The following PIP5K1B variants were observed in gnomAD, a reference collection of about 807,000 sequenced individuals.
PIP5K1B encodes the protein phosphatidylinositol 4-phosphate 5-kinase type-1 beta.
PIP5K1B carries 42 observed loss-of-function variants against 67.0 expected under a neutral mutation model. The ratio of observed to expected loss-of-function variants is 0.63; its 90% CI spans 0.49 to 0.81. The LOEUF (loss-of-function observed/expected upper bound fraction) is 0.81, where lower values mean the gene tolerates loss of function less well. Ranked by LOEUF, PIP5K1B falls within the 30% of genes least tolerant of loss-of-function variation. PIP5K1B has a pLI of 0.00. For missense variants in PIP5K1B, 459 were observed against 646.3 expected, an observed-to-expected ratio of 0.71 and a Z score of 3.14; for synonymous variants, 214 against 231.4, an observed-to-expected ratio of 0.92 and a Z score of 0.68.
At chr9:68,941,775 T>C (rs59673628) in intron 14 of PIP5K1B, among the ~76,000 whole-genome samples, 1,774 of 152,306 alleles carry the variant, frequency 0.012, 31 homozygotes, top group African/African-American at 0.038. Flanking sequence ...ATAAGGTAGA[T>C]TTATTTTTAA....
intron 4 of PIP5K1B, among the ~76,000 whole-genome samples, chr9:68,857,479 T>G (rs1421310978): frequency 1.3e-4 from 20 of 152,312 alleles, no homozygotes; most frequent in Middle Eastern, 3.4e-3. Flanking sequence ...CTTAATTCTC[T>G]CAGTGGGACA....
intron 12 of PIP5K1B, among the ~76,000 whole-genome samples, chr9:68,934,384 C>A (rs973938345): frequency 6.6e-6 from 1 of 152,132 alleles, no homozygotes; most frequent in Non-Finnish European, 1.5e-5. Context: ...AAAAAAGCAA[C>A]CAGAAGTAAC....
At chr9:68,849,548 T>C (rs1822373637) in intron 4 of PIP5K1B, among the ~76,000 whole-genome samples, 2 of 152,214 alleles carry the variant, frequency 1.3e-5, no homozygotes, top group South Asian at 4.1e-4. Context: ...GCATTTTTTG[T>C]AAAGACAGGG....
intron 2 of PIP5K1B, among the ~76,000 whole-genome samples, chr9:68,805,674 A>T (rs538596886): frequency 1.3e-5 from 2 of 152,260 alleles, no homozygotes; most frequent in African/African-American, 4.8e-5. Flanking sequence ...AGCTGTCATC[A>T]CCTGTCACAT....
intron 6 of PIP5K1B, among the ~76,000 whole-genome samples, chr9:68,882,463 A>T (rs1289955533): frequency 6.6e-6 from 1 of 151,982 alleles, no homozygotes; most frequent in Non-Finnish European, 1.5e-5. Flanking sequence ...ATAATAAAAG[A>T]ATATTTGACA....
At chr9:68,789,551 A>C (rs1831840403) in intron 2 of PIP5K1B, 1 of 503,144 alleles carries the variant, frequency 2.0e-6, no homozygotes, top group Admixed American at 2.1e-5. Flanking sequence ...TTTCTGCCTC[A>C]GTAGCTTGTT....
chr9:68,714,127 A>G (rs576763170), intron 1 of PIP5K1B, among the ~76,000 whole-genome samples: 2 of 152,270 alleles, frequency 1.3e-5, no homozygotes, highest in African/African-American at 4.8e-5. Flanking sequence ...TATATCTCCA[A>G]ACTAAGTCTT....
intron 5 of PIP5K1B, among the ~76,000 whole-genome samples, chr9:68,868,664 G>A (rs1823475936): frequency 1.3e-5 from 2 of 152,174 alleles, no homozygotes. Context: ...GTTCCCCTAA[G>A]AGCCAGCCCT....
At chr9:68,981,285 T>C (rs1386998337) in intron 14 of PIP5K1B, among the ~76,000 whole-genome samples, 1 of 152,112 alleles carries the variant, frequency 6.6e-6, no homozygotes, top group African/African-American at 2.4e-5. Context: ...CAAAATAAAA[T>C]ATAAATAGCA....
chr9:68,794,554 C>G (rs2132511150), intron 2 of PIP5K1B, among the ~76,000 whole-genome samples: 1 of 152,126 alleles, frequency 6.6e-6, no homozygotes, highest in Admixed American at 6.5e-5. Flanking sequence ...TCATCTTATT[C>G]CCTTGTCATC....
At chr9:68,862,578 G>A (rs1259602122) in intron 4 of PIP5K1B, among the ~76,000 whole-genome samples, 1 of 152,102 alleles carries the variant, frequency 6.6e-6, no homozygotes, top group Non-Finnish European at 1.5e-5. Flanking sequence ...GATCACATGA[G>A]GCCAAGAGTT....
intron 6 of PIP5K1B, among the ~76,000 whole-genome samples, chr9:68,882,593 T>C (rs1414949): frequency 0.45 from 68,072 of 151,968 alleles, 15,418 homozygotes; most frequent in South Asian, 0.51. Flanking sequence ...AATCCAGTTT[T>C]TTCTAGACAC....
chr9:68,800,242 A>G (rs1405497210), intron 2 of PIP5K1B, among the ~76,000 whole-genome samples: 2 of 152,208 alleles, frequency 1.3e-5, no homozygotes, highest in Admixed American at 6.5e-5. Context: ...CACACACAGC[A>G]TGTGGTATGT....
intron 4 of PIP5K1B, 58 bp downstream of exon 4, chr9:68,822,741 T>C (rs1374125209): frequency 8.3e-7 from 1 of 1,201,798 alleles, no homozygotes; most frequent in Non-Finnish European, 1.2e-6. Flanking sequence ...GGCACGTGAA[T>C]ATTATCAAAG....
intron 2 of PIP5K1B, chr9:68,789,407 T>G (rs577986092): frequency 2.3e-6 from 1 of 437,816 alleles, no homozygotes; most frequent in South Asian, 1.9e-5. Context: ...TCCTGAAATG[T>G]GTCCACTACT....
chr9:68,881,981 TC>T (rs2132343390), intron 6 of PIP5K1B, among the ~76,000 whole-genome samples: 1 of 152,306 alleles, frequency 6.6e-6, no homozygotes, highest in South Asian at 2.1e-4. Flanking sequence ...TAAAATTATC[TC>T]CACCACATGG....
At chr9:68,738,091 G>C in intron 1 of PIP5K1B, among the ~76,000 whole-genome samples, 1 of 152,186 alleles carries the variant, frequency 6.6e-6, no homozygotes, top group East Asian at 1.9e-4. Flanking sequence ...CAGGTATTTA[G>C]GGTTTTCTTG....
intron 3 of PIP5K1B, among the ~76,000 whole-genome samples, chr9:68,821,013 C>T (rs991675842): frequency 3.3e-5 from 5 of 152,220 alleles, no homozygotes; most frequent in Admixed American, 6.5e-5. Flanking sequence ...CACAGTGCCT[C>T]ATGCCTATAA....
chr9:68,801,437 AAG>A (rs1228006729), intron 2 of PIP5K1B, among the ~76,000 whole-genome samples: 1 of 152,204 alleles, frequency 6.6e-6, no homozygotes, highest in Non-Finnish European at 1.5e-5. Context: ...ATGCTGAGAA[AAG>A]AGGGTACATG....
Sources: allele counts gnomAD v4.1 joint callset (sites outside exome capture counted in the v4.1 genomes callset), GRCh38; gene constraint gnomAD v4.1.1; transcripts MANE v1.5; gene names NCBI Gene and HGNC (gene_info 2026-07-23, HGNC 2026-07-21).